Variants in ANTXR1 observed in about 807,000 individuals in gnomAD.
The protein encoded by ANTXR1 is ANTXR cell adhesion molecule 1.
A neutral mutation model predicts 78.1 loss-of-function variants in ANTXR1; 19 were observed. That is an observed-to-expected ratio of 0.24 (90% confidence interval 0.17 to 0.36). The LOEUF (loss-of-function observed/expected upper bound fraction) is 0.36, where lower values mean the gene tolerates loss of function less well. Among genes scored for constraint, ANTXR1 ranks in the 10% least tolerant of loss-of-function variants. The pLI, the probability that ANTXR1 is intolerant of heterozygous loss-of-function variation, is 1.00. For missense variants in ANTXR1, 518 were observed against 718.6 expected (o/e 0.72, Z 3.19); for synonymous variants, 273 against 260.5 (o/e 1.05, Z -0.46).
intron 11 of ANTXR1, among the ~76,000 whole-genome samples, 191 bp from the exon 12 acceptor site, chr2:69,124,374 A>C (rs1216802714): frequency 3.9e-5 from 6 of 152,326 alleles, no homozygotes; most frequent in African/African-American, 1.4e-4. Flanking sequence ...ACTTTAAAGG[A>C]GGATGGGCTA....
At chr2:69,097,029 A>G (rs1429160459) in intron 9 of ANTXR1, among the ~76,000 whole-genome samples, 1 of 152,232 alleles carries the variant, frequency 6.6e-6, no homozygotes, top group African/African-American at 2.4e-5. Flanking sequence ...TCTGCTCCCA[A>G]TATAGACTCT....
intron 17 of ANTXR1, among the ~76,000 whole-genome samples, chr2:69,202,650 T>C (rs902338064): frequency 6.6e-6 from 1 of 152,144 alleles, no homozygotes; most frequent in Non-Finnish European, 1.5e-5. Flanking sequence ...CTTAGTGACA[T>C]GGGTTGTAGA....
chr2:69,097,611 T>A (rs1671473707), intron 9 of ANTXR1, among the ~76,000 whole-genome samples: 1 of 152,252 alleles, frequency 6.6e-6, no homozygotes, highest in African/African-American at 2.4e-5. Flanking sequence ...AAGACATTTC[T>A]ATGTGGAGGA....
At chr2:69,180,894 A>T (rs2104461470) in intron 14 of ANTXR1, among the ~76,000 whole-genome samples, 1 of 152,330 alleles carries the variant, frequency 6.6e-6, no homozygotes. Context: ...AAATCCATCC[A>T]TCAGAAGATG....
At chr2:69,131,477 G>A (rs1180350707) in intron 12 of ANTXR1, among the ~76,000 whole-genome samples, 1 of 152,202 alleles carries the variant, frequency 6.6e-6, no homozygotes. Context: ...CCATATAGAG[G>A]TAGTTTATAG....
intron 17 of ANTXR1, among the ~76,000 whole-genome samples, chr2:69,214,066 C>T (rs555631150): frequency 5.2e-5 from 8 of 152,398 alleles, no homozygotes; most frequent in African/African-American, 1.9e-4. Flanking sequence ...CGCCTCCACA[C>T]TGAGTCACAG....
intron 17 of ANTXR1, among the ~76,000 whole-genome samples, chr2:69,231,212 A>G (rs1675589749): frequency 1.3e-5 from 2 of 152,184 alleles, no homozygotes; most frequent in African/African-American, 4.8e-5. Flanking sequence ...TATAACCTAC[A>G]TTTCAAAATG....
chr2:69,103,187 C>T (rs754864781), intron 10 of ANTXR1: 6 of 520,920 alleles, frequency 1.2e-5, no homozygotes, highest in South Asian at 2.0e-5. Flanking sequence ...CTTGAGTCCC[C>T]GTCCTCCACA....
At chr2:69,110,113 G>T (rs540517674) in intron 10 of ANTXR1, among the ~76,000 whole-genome samples, 19 of 152,254 alleles carry the variant, frequency 1.2e-4, no homozygotes, top group Non-Finnish European at 2.2e-4. Context: ...TACTTTGTCA[G>T]ACTGACAAAG....
chr2:69,058,516 C>G (rs1019721586), intron 3 of ANTXR1, among the ~76,000 whole-genome samples: 2 of 145,628 alleles, frequency 1.4e-5, no homozygotes, highest in Admixed American at 1.4e-4. Context: ...TAAGCCCACT[C>G]TTGAGACCTA....
At chr2:69,128,232 A>G (rs1304671109) in intron 12 of ANTXR1, among the ~76,000 whole-genome samples, 8 of 152,070 alleles carry the variant, frequency 5.3e-5, no homozygotes, top group Admixed American at 5.2e-4. Flanking sequence ...CTCTGGAAAA[A>G]AAAAAAAAAT....
At chr2:69,152,316 A>G in intron 13 of ANTXR1, 52 bp downstream of exon 13, 1 of 1,555,306 alleles carries the variant, frequency 6.4e-7, no homozygotes. Flanking sequence ...CATAAAGTTC[A>G]CAGACCATGA....
intron 17 of ANTXR1, among the ~76,000 whole-genome samples, chr2:69,219,009 A>G (rs181385978): frequency 6.6e-6 from 1 of 152,314 alleles, no homozygotes; most frequent in African/African-American, 2.4e-5. Context: ...AATTCTGTCA[A>G]TGGCTATGAT....
At chr2:69,155,597 CA>C (rs1458440424) in intron 13 of ANTXR1, among the ~76,000 whole-genome samples, 1 of 152,092 alleles carries the variant, frequency 6.6e-6, no homozygotes, top group Non-Finnish European at 1.5e-5. Flanking sequence ...AGAAAAGGAT[CA>C]TTTTTTTAAA....
At chr2:69,174,624 CAAAA>C (rs913750560) in intron 14 of ANTXR1, among the ~76,000 whole-genome samples, 1 of 142,202 alleles carries the variant, frequency 7.0e-6, no homozygotes, top group East Asian at 2.0e-4. Flanking sequence ...GACTCTATCT[CAAAA>C]AAAAAAAGAG....
At chr2:69,211,758 C>T (rs778358749) in intron 17 of ANTXR1, among the ~76,000 whole-genome samples, 2 of 152,206 alleles carry the variant, frequency 1.3e-5, no homozygotes, top group Non-Finnish European at 2.9e-5. Flanking sequence ...TTGGGAAATG[C>T]GGGACTGACT....
intron 3 of ANTXR1, among the ~76,000 whole-genome samples, chr2:69,049,634 C>T (rs1188260568): frequency 6.6e-6 from 1 of 152,118 alleles, no homozygotes; most frequent in East Asian, 1.9e-4. Flanking sequence ...TTTAATGAAA[C>T]ATTTTATTAG....
At chr2:69,063,506 T>TA (rs929589557) in intron 3 of ANTXR1, among the ~76,000 whole-genome samples, 9 of 151,402 alleles carry the variant, frequency 5.9e-5, no homozygotes, top group Admixed American at 4.6e-4. Context: ...TCTGCGCTAT[T>TA]AAAAAAAATG....
At chr2:69,052,452 A>G (rs781212531) in intron 3 of ANTXR1, among the ~76,000 whole-genome samples, 1 of 152,098 alleles carries the variant, frequency 6.6e-6, no homozygotes, top group Non-Finnish European at 1.5e-5. Flanking sequence ...GACATAGTCA[A>G]CTTGCATTAT....
Sources: allele counts gnomAD v4.1 joint callset (sites outside exome capture counted in the v4.1 genomes callset), GRCh38; gene constraint gnomAD v4.1.1; transcripts MANE v1.5; gene names NCBI Gene and HGNC (gene_info 2026-07-23, HGNC 2026-07-21).